Variants in CNTNAP5 observed in about 807,000 individuals in gnomAD.
CNTNAP5 encodes the protein contactin-associated protein-like 5.
Under a neutral mutation model 150.2 loss-of-function variants are expected in CNTNAP5, and 72 were observed. The observed-to-expected ratio is 0.48, with a 90% CI of 0.40 to 0.58. The LOEUF is 0.58. Ranked by LOEUF, CNTNAP5 falls within the 20% of genes least tolerant of loss-of-function variation. CNTNAP5 has a pLI of 0.00. For missense variants in CNTNAP5, 1,636 were observed against 1,626.2 expected (o/e 1.01, Z -0.10); for synonymous variants, 672 against 619.8 (o/e 1.08, Z -1.25).
chr2:124,914,137 T>C lies in CNTNAP5; in HGVS notation c.3773T>C (p.Ile1258Thr), dbSNP rs1325255745. 2 of 1,612,544 alleles carry C rather than the reference T, an allele frequency of 1.2e-6. No homozygotes were observed. The highest frequency in any genetic ancestry group is 1.7e-6 in the Non-Finnish European group (2 of 1,179,056). Reference sequence around the variant, plus strand: ...TTCATCATCTTCTGTATCATCGGCATCATGACCCGGTTCCTCTACCAGCAC... The same window carrying C: ...TTCATCATCTTCTGTATCATCGGCACCATGACCCGGTTCCTCTACCAGCAC... Reference protein sequence around the residue: ...VIFIIFCIIGIMTRFLYQHKQ... With the variant: ...VIFIIFCIIGTMTRFLYQHKQ... The change falls in exon 24 of 24, where the codon ATC becomes ACC. Residue 1258 changes from isoleucine (I) to threonine (T), a missense_variant. By Grantham distance (89) the Ile-to-Thr change is moderately conservative (BLOSUM62 -1). Transcript: ENST00000682447.
chr2:124,540,677 ATCAT>A (rs5834075), intron 10 of CNTNAP5, among the ~76,000 whole-genome samples: 63,237 of 150,848 alleles, frequency 0.42, 13,750 homozygotes, highest in East Asian at 0.63. Flanking sequence ...AGTATTATGA[ATCAT>A]TCATTCATTC....
At chr2:124,076,051 C>G (rs1682429231) in intron 1 of CNTNAP5, among the ~76,000 whole-genome samples, 1 of 152,108 alleles carries the variant, frequency 6.6e-6, no homozygotes, top group South Asian at 2.1e-4. Flanking sequence ...AAAATTGAGT[C>G]AGACCAAGAT....
At chr2:124,047,283 C>G (rs749884682) in intron 1 of CNTNAP5, among the ~76,000 whole-genome samples, 4 of 152,352 alleles carry the variant, frequency 2.6e-5, no homozygotes, top group Middle Eastern at 3.4e-3. Context: ...AATGTCCACT[C>G]AGGGAGACTG....
chr2:124,188,453 C>T (rs566021083), intron 1 of CNTNAP5, among the ~76,000 whole-genome samples: 1 of 152,198 alleles, frequency 6.6e-6, no homozygotes, highest in East Asian at 1.9e-4. Flanking sequence ...GGCGCAGTGG[C>T]TCATGCCTGT....
chr2:124,650,544 C>T (rs1022050203), intron 13 of CNTNAP5, among the ~76,000 whole-genome samples: 1 of 152,136 alleles, frequency 6.6e-6, no homozygotes, highest in African/African-American at 2.4e-5. Context: ...ATTCCCTTCC[C>T]AAGAGGAAGC....
intron 21 of CNTNAP5, among the ~76,000 whole-genome samples, chr2:124,882,350 G>T (rs1033807352): frequency 6.6e-6 from 1 of 152,114 alleles, no homozygotes; most frequent in Non-Finnish European, 1.5e-5. Flanking sequence ...CAGGAGGGGG[G>T]TGTGGGATTG....
intron 1 of CNTNAP5, among the ~76,000 whole-genome samples, chr2:124,097,789 G>C (rs1456058022): frequency 6.6e-6 from 1 of 152,194 alleles, no homozygotes; most frequent in Non-Finnish European, 1.5e-5. Flanking sequence ...AGCACTTTGG[G>C]CGGCCGAGGC....
intron 10 of CNTNAP5, among the ~76,000 whole-genome samples, chr2:124,539,073 G>T (rs999602391): frequency 1.3e-5 from 2 of 152,104 alleles, no homozygotes; most frequent in African/African-American, 4.8e-5. Flanking sequence ...ATTCATCGAT[G>T]GCCCATTATA....
intron 17 of CNTNAP5, among the ~76,000 whole-genome samples, chr2:124,773,943 TGTGTGAGA>T (rs1206619613): frequency 9.1e-4 from 106 of 116,646 alleles, no homozygotes; most frequent in African/African-American, 1.2e-3. Flanking sequence ...TGTGTGTGTG[TGTGTGAGA>T]GAGAGAGAGA....
At chr2:124,499,151 T>C (rs921446485) in intron 7 of CNTNAP5, among the ~76,000 whole-genome samples, 1 of 149,792 alleles carries the variant, frequency 6.7e-6, no homozygotes, top group Admixed American at 6.6e-5. Context: ...GAAAGGCATG[T>C]TTTTTTTTCC....
intron 1 of CNTNAP5, among the ~76,000 whole-genome samples, chr2:124,200,526 G>A (rs1307465513): frequency 6.6e-6 from 1 of 151,186 alleles, no homozygotes. Flanking sequence ...ATTTTGAATT[G>A]TGGTAAAAAA....
Position 124,092,148 on chromosome 2 carries a change from T to A in CNTNAP5, c.82+66416T>A, listed in dbSNP as rs1328010534. 2.0e-5 allele frequency among the ~76,000 whole-genome samples: 3 copies of A among 152,188 alleles called. No individual in the cohort carries two copies. In the East Asian group the frequency reaches 5.8e-4, roughly 29 times the overall value. ...GCTTTAGAACTGTCCTGTTACAAGG[T>A]TATCTTACATTATACCCATTATACA... On this transcript the variant is annotated intron_variant, in intron 1 of 23. Transcript: ENST00000682447.
chr2:124,822,280 G>A (rs1682508174), intron 19 of CNTNAP5, among the ~76,000 whole-genome samples: 1 of 152,134 alleles, frequency 6.6e-6, no homozygotes, highest in South Asian at 2.1e-4. Flanking sequence ...GGGTTGATGT[G>A]AGAGCCTCTA....
chr2:124,398,064 CT>C (rs967325653), intron 3 of CNTNAP5, among the ~76,000 whole-genome samples: 112 of 152,336 alleles, frequency 7.4e-4, no homozygotes, highest in African/African-American at 2.6e-3. Context: ...TTTCTTTGCA[CT>C]GTGATTTACA....
At chr2:124,332,078 C>CT (rs1689362686) in intron 3 of CNTNAP5, among the ~76,000 whole-genome samples, 1 of 151,530 alleles carries the variant, frequency 6.6e-6, no homozygotes, top group African/African-American at 2.4e-5. Context: ...CATTTTACAA[C>CT]TTTTTTAAAC....
chr2:124,628,295 A>G (rs527599956), intron 12 of CNTNAP5, among the ~76,000 whole-genome samples: 2 of 152,320 alleles, frequency 1.3e-5, no homozygotes, highest in African/African-American at 2.4e-5. Context: ...AAGCAAAAAA[A>G]TGTTAAGAGC....
intron 7 of CNTNAP5, among the ~76,000 whole-genome samples, chr2:124,478,172 T>G (rs1447998749): frequency 6.6e-6 from 1 of 152,090 alleles, no homozygotes; most frequent in Non-Finnish European, 1.5e-5. Context: ...AGTTTCTGAA[T>G]ATCAGTAGCT....
intron 13 of CNTNAP5, among the ~76,000 whole-genome samples, chr2:124,704,706 T>C (rs1328694806): frequency 6.6e-6 from 1 of 152,142 alleles, no homozygotes; most frequent in African/African-American, 2.4e-5. Context: ...CTGGTTACAG[T>C]GGTCTTTGCA....
chr2:124,843,278 C>T (rs1444129580), intron 19 of CNTNAP5, among the ~76,000 whole-genome samples: 1 of 151,996 alleles, frequency 6.6e-6, no homozygotes, highest in African/African-American at 2.4e-5. Flanking sequence ...TCCTTATCCA[C>T]TCGTTGATCG....
Sources: gnomAD v4.1 joint callset for allele counts (sites outside exome capture counted in the v4.1 genomes callset) on GRCh38, gnomAD v4.1.1 for gene constraint, MANE v1.5 for transcripts, NCBI Gene and HGNC (gene_info 2026-07-23, HGNC 2026-07-21) for gene names.